CATSPERD: variants seen among roughly 807,000 people sequenced by gnomAD.
The protein encoded by CATSPERD is cation channel sperm-associated auxiliary subunit delta.
CATSPERD carries 86 observed loss-of-function variants against 98.1 expected under a neutral mutation model. That is an observed-to-expected ratio of 0.88 (90% CI 0.74 to 1.05). The LOEUF is 1.05. Among genes scored for constraint, CATSPERD ranks in the 50% least tolerant of loss-of-function variants. The pLI, the probability that CATSPERD is intolerant of heterozygous loss-of-function variation, is 0.00. For missense variants in CATSPERD, 995 were observed against 1,005.7 expected, an observed-to-expected ratio of 0.99 and a Z score of 0.14; for synonymous variants, 394 against 390.2, an observed-to-expected ratio of 1.01 and a Z score of -0.12.
At chr19:5,775,328 GTATT>G (rs758984784) in intron 20 of CATSPERD, 12 of 468,910 alleles carry the variant, frequency 2.6e-5, no homozygotes, top group African/African-American at 2.2e-4. Flanking sequence ...ACAGACCTGC[GTATT>G]TATTGAGTAG....
chr19:5,721,744 A>G (rs983809681), intron 1 of CATSPERD, among the ~76,000 whole-genome samples: 1 of 151,468 alleles, frequency 6.6e-6, no homozygotes, highest in Non-Finnish European at 1.5e-5. Context: ...CAACACTTTG[A>G]GAGGTAGAGG....
intron 7 of CATSPERD, among the ~76,000 whole-genome samples, chr19:5,741,225 G>A (rs908719170): frequency 1.3e-5 from 2 of 152,120 alleles, no homozygotes; most frequent in Non-Finnish European, 2.9e-5. Flanking sequence ...AAACTGTAGC[G>A]GGTTGAACCA....
intron 5 of CATSPERD, among the ~76,000 whole-genome samples, chr19:5,736,782 G>T (rs1452649680): frequency 1.3e-5 from 2 of 152,006 alleles, no homozygotes; most frequent in Non-Finnish European, 2.9e-5. Flanking sequence ...TCTAGGCCAG[G>T]TGTGGTGGCT....
chr19:5,753,167 T>C (rs1052966069), intron 12 of CATSPERD, among the ~76,000 whole-genome samples: 2 of 151,762 alleles, frequency 1.3e-5, no homozygotes, highest in African/African-American at 4.8e-5. Context: ...CCAACAAACC[T>C]GTAGATTGAA....
intron 3 of CATSPERD, among the ~76,000 whole-genome samples, chr19:5,727,929 G>A (rs1442872513): frequency 6.6e-6 from 1 of 151,176 alleles, no homozygotes; most frequent in Non-Finnish European, 1.5e-5. Flanking sequence ...AGTGACTCAT[G>A]CCTATAGTAC....
chr19:5,768,369 G>A lies in CATSPERD; in HGVS notation c.1634+127G>A, dbSNP rs561804144. The A allele has an allele frequency of 2.1e-5, 11 of 528,138 alleles. No individual in the cohort carries two copies. In the East Asian group the frequency reaches 3.5e-4, roughly 17 times the overall value. 32.7% of individuals were successfully genotyped at this position (528,138 alleles called of 1,614,324 possible). ...ATTATTATTATTGAGATGGAGTCTC[G>A]CCTGTCGCCCAGGCTGGAGTGCAGT... On this transcript the variant is annotated intron_variant, in intron 18 of 21. Coordinates refer to ENST00000381624, the MANE Select transcript of CATSPERD (RefSeq NM_152784.4).
chr19:5,743,799 T>G (rs2056044076), intron 7 of CATSPERD, among the ~76,000 whole-genome samples: 1 of 151,910 alleles, frequency 6.6e-6, no homozygotes, highest in African/African-American at 2.4e-5. Flanking sequence ...GGTGGGGCCC[T>G]TGATTCCTGT....
At chr19:5,722,619 A>G (rs1321870915) in intron 1 of CATSPERD, among the ~76,000 whole-genome samples, 1 of 152,120 alleles carries the variant, frequency 6.6e-6, no homozygotes, top group Admixed American at 6.6e-5. Flanking sequence ...TCCCTGGACC[A>G]GCAGCATCAA....
At chr19:5,774,212 C>T (rs1017202394) in intron 20 of CATSPERD, among the ~76,000 whole-genome samples, 5 of 151,768 alleles carry the variant, frequency 3.3e-5, no homozygotes, top group Admixed American at 6.6e-5. Flanking sequence ...GTGATCCGCC[C>T]GCCTCGGCCT....
intron 8 of CATSPERD, 82 bp downstream of exon 8, chr19:5,744,592 C>T: frequency 1.1e-6 from 1 of 929,562 alleles, no homozygotes; most frequent in Non-Finnish European, 1.6e-6. Context: ...CATTTTTAAA[C>T]ATTTATTTAT....
intron 13 of CATSPERD, among the ~76,000 whole-genome samples, chr19:5,754,556 G>C (rs935325419): frequency 6.6e-6 from 1 of 151,744 alleles, no homozygotes; most frequent in Non-Finnish European, 1.5e-5. Context: ...GTGCCACCAC[G>C]CCTGGCTAAT....
intron 6 of CATSPERD, 21 bp from the exon 7 acceptor site, chr19:5,739,303 TTC>T: frequency 7.7e-7 from 1 of 1,292,822 alleles, no homozygotes; most frequent in African/African-American, 1.5e-5. Context: ...CTTTCATTCT[TTC>T]TTTCTTTTTT....
In CATSPERD at chr19:5,742,620, A is replaced by G. The variant is rs1201882166; in HGVS notation, c.574-1807A>G. 3.3e-5 allele frequency among the ~76,000 whole-genome samples: 5 copies of G among 151,952 alleles called. No homozygotes were observed. The Admixed American group carries it at 3.3e-4, about 10-fold the overall frequency. ...AACATAGTGAGACCCACCCCCCACC[A>G]TATCTACAAAAAATTGAAAAAGAAA... On this transcript the variant is annotated intron_variant, in intron 7 of 21. Coordinates refer to ENST00000381624, the MANE Select transcript of CATSPERD (RefSeq NM_152784.4).
chr19:5,769,314 A>G (rs11878678), intron 18 of CATSPERD, among the ~76,000 whole-genome samples: 2 of 132,926 alleles, frequency 1.5e-5, no homozygotes, highest in South Asian at 2.4e-4. Context: ...AAAAAAAAAA[A>G]GAGGGTGGTG....
chr19:5,755,440 G>A (rs1163691929), intron 13 of CATSPERD, among the ~76,000 whole-genome samples: 1 of 152,020 alleles, frequency 6.6e-6, no homozygotes, highest in Non-Finnish European at 1.5e-5. Context: ...TACTGATACA[G>A]CCTTTCTGTT....
chr19:5,770,885 G>A lies in CATSPERD; in HGVS notation c.1635-59G>A. 2.6e-6 allele frequency: 4 copies of A among 1,544,874 alleles called. No individual in the cohort carries two copies. The South Asian group carries it at 3.8e-5, about 15-fold the overall frequency. The stretch of plus-strand genomic sequence containing the variant: ...AAAAAAGAAACTGCGGCTGTGAAGG[G>A]TTGGCAGACTGGGCAGGAACTCACA... On this transcript the variant is annotated intron_variant, in intron 18 of 21. Coordinates refer to ENST00000381624, the MANE Select transcript of CATSPERD (RefSeq NM_152784.4).
intron 7 of CATSPERD, among the ~76,000 whole-genome samples, chr19:5,742,264 G>A (rs551204279): frequency 3.3e-5 from 5 of 150,090 alleles, no homozygotes; most frequent in South Asian, 4.3e-4. Context: ...GTGGGTGTGC[G>A]TGTGCATGTG....
intron 15 of CATSPERD, among the ~76,000 whole-genome samples, chr19:5,759,372 G>T (rs146477456): frequency 0.02 from 2,965 of 151,910 alleles, 40 homozygotes; most frequent in South Asian, 0.028. Flanking sequence ...AACCAGCCTA[G>T]CCAACACGGT....
chr19:5,775,536 C>T (rs1172343037), intron 20 of CATSPERD, among the ~76,000 whole-genome samples: 2 of 149,644 alleles, frequency 1.3e-5, no homozygotes, highest in African/African-American at 4.9e-5. Flanking sequence ...GTAGTCCCAG[C>T]TACTCGGGAG....
Sources: gnomAD v4.1 joint callset for allele counts (sites outside exome capture counted in the v4.1 genomes callset) on GRCh38, gnomAD v4.1.1 for gene constraint, MANE v1.5 for transcripts, NCBI Gene and HGNC (gene_info 2026-07-23, HGNC 2026-07-21) for gene names.